Variants in SRSF1 observed in about 807,000 individuals in gnomAD.
SRSF1 encodes serine and arginine rich splicing factor 1.
Under a neutral mutation model 25.9 loss-of-function variants are expected in SRSF1, and 1 was observed. The ratio of observed to expected loss-of-function variants is 0.04; its 90% CI spans 0.01 to 0.18. The LOEUF (loss-of-function observed/expected upper bound fraction) is 0.18, where lower values mean the gene tolerates loss of function less well. Among genes scored for constraint, SRSF1 ranks in the 10% least tolerant of loss-of-function variants. The pLI is 1.00. For missense variants in SRSF1, 65 were observed against 350.5 expected, an observed-to-expected ratio of 0.19 and a Z score of 6.50; for synonymous variants, 132 against 126.2, an observed-to-expected ratio of 1.05 and a Z score of -0.31.
chr17:57,997,184 C>A (rs765340971), downstream of SRSF1, among the ~76,000 whole-genome samples: 2 of 152,196 alleles, frequency 1.3e-5, no homozygotes, highest in African/African-American at 2.4e-5. Flanking sequence ...TTTGGTCTTA[C>A]AATTGGTCTT....
rs1221470691 is a variant in SRSF1, at chr17:58,001,622, T to A, written c.*3784A>T. Among the ~76,000 whole-genome samples the A allele has an allele frequency of 6.6e-6, 1 of 152,200 alleles. No individual in the cohort carries two copies. The highest frequency in any genetic ancestry group is 2.4e-5 in the African/African-American group (1 of 41,452). On this transcript the variant is annotated 3_prime_UTR_variant, in exon 4 of 4. Coordinates refer to ENST00000258962, the MANE Select transcript of SRSF1 (RefSeq NM_006924.5). ...AATAATTATAGGCTCCCTAAAATAT[T>A]CTAAGGGGACATAAATAGGGAGAAG... is the stretch of plus-strand genomic sequence containing the variant.
the SRSF1 span, chr17:57,993,673 CT>C: frequency 1.3e-5 from 2 of 152,206 alleles, no homozygotes; most frequent in African/African-American, 4.8e-5. Flanking sequence ...AGATTTTGAC[CT>C]GATGAACAAT....
chr17:58,006,813 C>CA lies in SRSF1; in HGVS notation c.194+130dup, dbSNP rs201805750. On this transcript the variant is annotated intron_variant, in intron 1 of 3. Coordinates refer to ENST00000258962, the MANE Select transcript of SRSF1 (RefSeq NM_006924.5). ...AACTCAGCTCCTTACTCGACTCCTG[C>CA]ATGGGCGATACAGTCTCGCCCCAAC... 2.1e-3 allele frequency: 2,414 copies of CA among 1,148,638 alleles called. 34 individuals are homozygous for CA. In the African/African-American group the frequency reaches 0.033, roughly 16 times the overall value. 71.2% of individuals were successfully genotyped at this position (1,148,638 alleles called of 1,614,324 possible).
At chr17:57,991,254 A>G in the SRSF1 span, 1 of 152,258 alleles carries the variant, frequency 6.6e-6, no homozygotes, top group Non-Finnish European at 1.5e-5. Context: ...AACATTAGAA[A>G]GCAACAGGAT....
downstream of SRSF1, among the ~76,000 whole-genome samples, chr17:57,999,602 A>C (rs1219578754): frequency 6.6e-6 from 1 of 152,242 alleles, no homozygotes; most frequent in Non-Finnish European, 1.5e-5. Flanking sequence ...CAGAGGATCA[A>C]GGTAGTTAGC....
chr17:57,996,774 G>C (rs1248471619), downstream of SRSF1, among the ~76,000 whole-genome samples: 1 of 152,114 alleles, frequency 6.6e-6, no homozygotes, highest in African/African-American at 2.4e-5. Flanking sequence ...TGGGTCTCTT[G>C]GTTTTGAGAG....
Position 58,001,728 on chromosome 17 carries a change from T to C in SRSF1, c.*3678A>G, listed in dbSNP as rs1024244497. Among the ~76,000 whole-genome samples the C allele has an allele frequency of 6.6e-6, 1 of 152,200 alleles. No homozygotes were observed. The highest frequency in any genetic ancestry group is 2.4e-5 in the African/African-American group (1 of 41,444). On this transcript the variant is annotated 3_prime_UTR_variant, in exon 4 of 4. Transcript: ENST00000258962. The stretch of plus-strand genomic sequence containing the variant: ...ATAATTGCCAATACGGATAGAGACC[T>C]AAAGGTCCATTTTCTGAGACTATAA...
At chr17:57,998,074 G>C (rs1380695961), downstream of SRSF1, among the ~76,000 whole-genome samples, 1 of 151,868 alleles carries the variant, frequency 6.6e-6, no homozygotes, top group African/African-American at 2.4e-5. Flanking sequence ...AAATTAGCCA[G>C]GTGTGGTGAT....
chr17:58,005,369 T>TACA lies in SRSF1; in HGVS notation c.*34_*36dup. 1 of 1,607,082 alleles carries TACA rather than the reference T, an allele frequency of 6.2e-7. No individual in the cohort carries two copies. Among genetic ancestry groups the TACA allele is most frequent in the Non-Finnish European group, 8.5e-7 (1 of 1,174,202 alleles). On this transcript the variant is annotated 3_prime_UTR_variant, in exon 4 of 4. Transcript: ENST00000258962. The surrounding 1 kb of genome is among the most constrained non-coding windows in gnomAD (Gnocchi z 5.2). ...TTGTACTGAATAAAGGAAAACTGTA[T>TACA]ACAACATGGGTTCTACAAAAAGTGT...
In SRSF1 at chr17:58,005,236, A is replaced by G. The variant is rs1212573212; in HGVS notation, c.*170T>C. ...ACATCACTTAAAATACAATTTATCA[A>G]AGACACGAAGGGAATGTAGATGTTA... is the stretch of plus-strand genomic sequence containing the variant. On this transcript the variant is annotated 3_prime_UTR_variant, in exon 4 of 4. Transcript: ENST00000258962. This position sits in a 1 kb window ranked among gnomAD's most constrained non-coding sequence, Gnocchi z 5.2. 1.5e-6 allele frequency: 1 copy of G among 677,100 alleles called. No homozygotes were observed. Among genetic ancestry groups the G allele is most frequent in the Non-Finnish European group, 2.5e-6 (1 of 404,428 alleles). 41.9% of individuals were successfully genotyped at this position (677,100 alleles called of 1,614,324 possible).
At chr17:57,997,506 T>C (rs542256699), downstream of SRSF1, among the ~76,000 whole-genome samples, 66 of 152,246 alleles carry the variant, frequency 4.3e-4, no homozygotes, top group African/African-American at 1.4e-3. Flanking sequence ...AATACATGTA[T>C]TTACCAAATC....
chr17:58,005,611 G>C lies in SRSF1; in HGVS notation c.553-11C>G. On this transcript the variant is annotated splice_polypyrimidine_tract_variant and intron_variant, in intron 3 of 3. Coordinates refer to ENST00000258962, the MANE Select transcript of SRSF1 (RefSeq NM_006924.5). This position sits in a 1 kb window ranked among gnomAD's most constrained non-coding sequence, Gnocchi z 5.2. Reference sequence around the variant, plus strand: ...GTAGGCAGTTTCTCCCTATTGGATAGACAGAACTTTCCATTGAAAGATCTA... The same window carrying C: ...GTAGGCAGTTTCTCCCTATTGGATACACAGAACTTTCCATTGAAAGATCTA... The C allele has an allele frequency of 6.2e-7, 1 of 1,613,114 alleles. No individual in the cohort carries two copies. The highest frequency in any genetic ancestry group is 8.5e-7 in the Non-Finnish European group (1 of 1,179,196).
downstream of SRSF1, among the ~76,000 whole-genome samples, chr17:57,999,187 G>C (rs998885436): frequency 6.6e-6 from 1 of 152,158 alleles, no homozygotes; most frequent in Non-Finnish European, 1.5e-5. Context: ...CAAACTTTAA[G>C]AACCTCTTAG....
rs893233553 is a variant in SRSF1, at chr17:58,007,199, A to G, written c.-62T>C. 3.1e-6 allele frequency: 5 copies of G among 1,587,440 alleles called. No homozygotes were observed. Among genetic ancestry groups the G allele is most frequent in the Non-Finnish European group, 4.3e-6 (5 of 1,164,248 alleles). On this transcript the variant is annotated 5_prime_UTR_variant, in exon 1 of 4. Coordinates refer to ENST00000258962, the MANE Select transcript of SRSF1 (RefSeq NM_006924.5). ...TCCCACCAAGCCTAGCGCACGGCAG[A>G]GCGAGCCCGCAGCGGCACCACGTCT...
the SRSF1 span, among the ~76,000 whole-genome samples, chr17:57,995,616 C>G: frequency 6.6e-6 from 1 of 152,204 alleles, no homozygotes; most frequent in Non-Finnish European, 1.5e-5. Flanking sequence ...CATGGGACAC[C>G]CTGCTGGCAT....
Position 58,004,701 on chromosome 17 carries a change from A to G in SRSF1, c.*705T>C. 3.1e-6 allele frequency: 1 copy of G among 325,612 alleles called. No homozygotes were observed. Among genetic ancestry groups the G allele is most frequent in the Non-Finnish European group, 5.6e-6 (1 of 179,990 alleles). The allele number at this position is 325,612 out of a possible 1,614,324, so 20.2% of individuals were successfully genotyped here. A position where few individuals can be genotyped will look rare whatever the true frequency, so the allele number is the denominator to read the frequency against. On this transcript the variant is annotated 3_prime_UTR_variant, in exon 4 of 4. Coordinates refer to ENST00000258962, the MANE Select transcript of SRSF1 (RefSeq NM_006924.5). The stretch of plus-strand genomic sequence containing the variant: ...CCCACATTAGTCCCTATTAAAACAA[A>G]AATGGGGGGAAGGGAGCAAAATAAG...
rs1414917340 is a variant in SRSF1 at position 58,006,607 on chromosome 17, G to A, written c.195-80C>T. The A allele has an allele frequency of 6.2e-6, 9 of 1,449,698 alleles. No homozygotes were observed. The Admixed American group carries it at 1.2e-4, about 19-fold the overall frequency. The allele number at this position is 1,449,698 out of a possible 1,614,324, so 89.8% of individuals were successfully genotyped here. A position where few individuals can be genotyped will look rare whatever the true frequency, so the allele number is the denominator to read the frequency against. On this transcript the variant is annotated intron_variant, in intron 1 of 3. Coordinates refer to ENST00000258962, the MANE Select transcript of SRSF1 (RefSeq NM_006924.5). ...TCAGTTGGGAACCAGCAAACCCCCC[G>A]CACATGCGCACCCAACGTGGAAGAG...
In SRSF1 at chr17:58,007,164, G is replaced by A; in HGVS notation, c.-27C>T. On this transcript the variant is annotated 5_prime_UTR_variant, in exon 1 of 4. Transcript: ENST00000258962. ...GCGGTGACGAAAAGCGCGGACTCGAGAACAGGCCTTCCCACCAAGCCTAGC... is the reference window on the plus strand; with the variant it reads ...GCGGTGACGAAAAGCGCGGACTCGAAAACAGGCCTTCCCACCAAGCCTAGC... The A allele has an allele frequency of 6.2e-7, 1 of 1,612,310 alleles. No individual in the cohort carries two copies. Among genetic ancestry groups the A allele is most frequent in the Non-Finnish European group, 8.5e-7 (1 of 1,179,348 alleles).
At chr17:57,991,189 C>T in the SRSF1 span, 1 of 152,156 alleles carries the variant, frequency 6.6e-6, no homozygotes, top group East Asian at 1.9e-4. Context: ...GCTAATGACA[C>T]ATAACAAAGG....
Sources: gnomAD v4.1 joint callset for allele counts (sites outside exome capture counted in the v4.1 genomes callset) on GRCh38, gnomAD v4.1.1 for gene constraint, Gnocchi (gnomAD v3.1) non-coding constraint, MANE v1.5 for transcripts, NCBI Gene and HGNC (gene_info 2026-07-23, HGNC 2026-07-21) for gene names.